The following MBOAT7 variants were observed in gnomAD, a reference collection of about 807,000 sequenced individuals.
MBOAT7 encodes membrane bound acylglycerophosphatidylinositol O-acyltransferase MBOAT7.
MBOAT7 carries 40 observed loss-of-function variants against 47.4 expected under a neutral mutation model. The observed-to-expected ratio is 0.84, with a 90% CI of 0.66 to 1.10. MBOAT7 has a LOEUF of 1.10. MBOAT7 is among the 50% of genes least tolerant of loss of function. The pLI, the probability that MBOAT7 is intolerant of heterozygous loss-of-function variation, is 0.00. For missense variants in MBOAT7, 680 were observed against 655.6 expected, an observed-to-expected ratio of 1.04 and a Z score of -0.41; for synonymous variants, 361 against 292.0, an observed-to-expected ratio of 1.24 and a Z score of -2.41.
intron 1 of MBOAT7, among the ~76,000 whole-genome samples, chr19:54,188,902 C>T (rs887643848): frequency 3.9e-5 from 6 of 152,208 alleles, no homozygotes; most frequent in East Asian, 3.9e-4. Flanking sequence ...GCACCCCTCC[C>T]GGACCCTTCC....
rs890310322 is a variant in MBOAT7 at position 54,180,681 on chromosome 19, T to C, written c.854+92A>G. The C allele has an allele frequency of 3.1e-5, 39 of 1,273,546 alleles. No homozygotes were observed. The highest frequency in any genetic ancestry group is 4.1e-5 in the Non-Finnish European group (39 of 955,028). The allele number at this position is 1,273,546 out of a possible 1,614,324, so 78.9% of individuals were successfully genotyped here. The stretch of plus-strand genomic sequence containing the variant: ...TCAAAAAGGTGGTGGCCCTGGCCCC[T>C]TGCTCCCCGCTCTCCTCCCGGCTAG... On this transcript the variant is annotated intron_variant, in intron 6 of 7. Coordinates refer to ENST00000245615, the MANE Select transcript of MBOAT7 (RefSeq NM_024298.5). This position sits in a 1 kb window ranked among gnomAD's most constrained non-coding sequence, Gnocchi z 5.2.
At chr19:54,185,518 A>G (rs2076405011) in intron 4 of MBOAT7, among the ~76,000 whole-genome samples, 1 of 151,948 alleles carries the variant, frequency 6.6e-6, no homozygotes, top group Non-Finnish European at 1.5e-5. Context: ...GTCATCCTAA[A>G]TGCGCGTTTC....
rs567650134 is a variant in MBOAT7, at chr19:54,186,141, G to A, written c.333+1020C>T. Among the ~76,000 whole-genome samples the A allele has an allele frequency of 3.9e-5, 6 of 152,184 alleles. No individual in the cohort carries two copies. The East Asian group carries it at 1.2e-3, about 29-fold the overall frequency. On this transcript the variant is annotated intron_variant, in intron 4 of 7. Coordinates refer to ENST00000245615, the MANE Select transcript of MBOAT7 (RefSeq NM_024298.5). ...CAATTCTCCTGCCTCAGCCTCCCGA[G>A]TAGCTGGGATTACAGGTATGTGCCA...
intron 3 of MBOAT7, 170 bp from the exon 4 acceptor site, chr19:54,187,457 G>T: frequency 1.3e-6 from 1 of 759,184 alleles, no homozygotes; most frequent in Non-Finnish European, 2.0e-6. Context: ...GAATGAGTAT[G>T]ATTGAAACAG....
At chr19:54,176,349 G>A (rs2076108290) in intron 7 of MBOAT7, among the ~76,000 whole-genome samples, 1 of 152,118 alleles carries the variant, frequency 6.6e-6, no homozygotes, top group African/African-American at 2.4e-5. Context: ...GAGTGCGGAG[G>A]CTGGGTGCAA....
intron 4 of MBOAT7, among the ~76,000 whole-genome samples, chr19:54,184,868 C>T (rs1357715733): frequency 6.7e-6 from 1 of 148,598 alleles, no homozygotes; most frequent in African/African-American, 2.5e-5. Flanking sequence ...CGTACCATTG[C>T]ACTCCAGCCT....
Position 54,178,790 on chromosome 19 carries a change from C to T in MBOAT7, c.1006G>A (p.Ala336Thr), listed in dbSNP as rs202020450. The change falls in exon 7 of 8, where the codon GCA becomes ACA. Residue 336 changes from alanine (A) to threonine (T), a missense_variant. Physicochemically the swap from Ala to Thr is moderately conservative, Grantham distance 58. Transcript: ENST00000245615. ...WWLAQYIYKS[A>T]PARSYVLRSA... ...CGCAGGACATAGGAACGGGCAGGTGCGCTCTTGTAGATATACTGCGCCAGC... is the reference window on the plus strand; with the variant it reads ...CGCAGGACATAGGAACGGGCAGGTGTGCTCTTGTAGATATACTGCGCCAGC... 87 of 1,613,378 alleles carry T rather than the reference C, an allele frequency of 5.4e-5. No individual in the cohort carries two copies. The African/African-American group carries it at 8.5e-4, about 16-fold the overall frequency.
rs1217991804 is a variant in MBOAT7 at position 54,188,163 on chromosome 19, G to A, written c.206+54C>T. On this transcript the variant is annotated intron_variant, in intron 3 of 7. Coordinates refer to ENST00000245615, the MANE Select transcript of MBOAT7 (RefSeq NM_024298.5). ...CTGAAAAAGACTCAAAGAGGAAACA[G>A]GTTGCTTCCCCCTCTCCCCTCCTCT... The A allele has an allele frequency of 2.0e-6, 3 of 1,524,340 alleles. No individual in the cohort carries two copies. The East Asian group carries it at 7.0e-5, about 35-fold the overall frequency. The allele number at this position is 1,524,340 out of a possible 1,614,324, so 94.4% of individuals were successfully genotyped here.
intron 4 of MBOAT7, among the ~76,000 whole-genome samples, chr19:54,185,036 C>T (rs1350097003): frequency 6.6e-6 from 1 of 151,516 alleles, no homozygotes; most frequent in East Asian, 1.9e-4. Context: ...ATGGTGAAAC[C>T]CCATCTCTAC....
chr19:54,181,376 G>A (rs2076266991), intron 5 of MBOAT7, among the ~76,000 whole-genome samples: 1 of 151,938 alleles, frequency 6.6e-6, no homozygotes, highest in Non-Finnish European at 1.5e-5. Context: ...AGACAGAGGG[G>A]CCGGTGCGGT....
At position 54,173,872 on chromosome 19, in the gene MBOAT7, G is replaced by A. The variant is rs2075986457; in HGVS notation, c.*172C>T. ...GGAGTGGAGGTGGCCTCTGGGCAGA[G>A]GGCAGGGAGGACACCCCCGGGTCTG... On this transcript the variant is annotated 3_prime_UTR_variant, in exon 8 of 8. Transcript: ENST00000245615. 4.1e-6 allele frequency: 3 copies of A among 737,194 alleles called. No homozygotes were observed. The highest frequency in any genetic ancestry group is 3.3e-5 in the Admixed American group (1 of 29,868). The allele number at this position is 737,194 out of a possible 1,614,324, so 45.7% of individuals were successfully genotyped here.
chr19:54,181,172 G>A (rs769080101), intron 5 of MBOAT7, 39 bp from the exon 6 acceptor site: 1 of 1,448,958 alleles, frequency 6.9e-7, no homozygotes, highest in Non-Finnish European at 9.1e-7. Flanking sequence ...CAGACAGGCA[G>A]GTGGGCAGAG....
At chr19:54,182,249 A>C (rs568237564) in intron 5 of MBOAT7, among the ~76,000 whole-genome samples, 1 of 152,168 alleles carries the variant, frequency 6.6e-6, no homozygotes, top group East Asian at 1.9e-4. Flanking sequence ...AAAAGGAAAA[A>C]AAAAACAAAT....
chr19:54,181,269 C>T (rs1166798411), intron 5 of MBOAT7, 136 bp from the exon 6 acceptor site: 3 of 1,096,118 alleles, frequency 2.7e-6, no homozygotes, highest in Non-Finnish European at 3.7e-6. Flanking sequence ...CCGGGGAGAC[C>T]CCAAGGGTAG....
At chr19:54,186,408 C>A (rs1027364355) in intron 4 of MBOAT7, among the ~76,000 whole-genome samples, 1 of 152,210 alleles carries the variant, frequency 6.6e-6, no homozygotes, top group Non-Finnish European at 1.5e-5. Flanking sequence ...CAATCCTCCA[C>A]GGGAAGAAGT....
At chr19:54,181,544 G>C (rs2076270784) in intron 5 of MBOAT7, among the ~76,000 whole-genome samples, 1 of 148,216 alleles carries the variant, frequency 6.7e-6, no homozygotes. Context: ...CCAGCTACTG[G>C]GGAGGCTGAG....
chr19:54,183,761 C>A, intron 4 of MBOAT7, 81 bp from the exon 5 acceptor site: 18 of 1,384,878 alleles, frequency 1.3e-5, no homozygotes, highest in Non-Finnish European at 1.7e-5. Flanking sequence ...CGGCTGCCCT[C>A]GGCAGCCAAG....
At chr19:54,183,482 G>A (rs1347594485) in intron 5 of MBOAT7, 39 bp downstream of exon 5, 5 of 1,595,314 alleles carry the variant, frequency 3.1e-6, no homozygotes, top group South Asian at 1.1e-5. Flanking sequence ...GGGGACACAG[G>A]AGACAGAGCG....
At chr19:54,182,254 A>C (rs1008494146) in intron 5 of MBOAT7, among the ~76,000 whole-genome samples, 1 of 152,026 alleles carries the variant, frequency 6.6e-6, no homozygotes, top group Non-Finnish European at 1.5e-5. Context: ...GAAAAAAAAA[A>C]CAAATTAAAA....
Sources: gnomAD v4.1 joint callset for allele counts (sites outside exome capture counted in the v4.1 genomes callset) on GRCh38, gnomAD v4.1.1 for gene constraint, Gnocchi (gnomAD v3.1) non-coding constraint, MANE v1.5 for transcripts, NCBI Gene and HGNC (gene_info 2026-07-23, HGNC 2026-07-21) for gene names.